Variants in SH3PXD2A observed in about 807,000 individuals in gnomAD.
SH3PXD2A encodes SH3 and PX domain-containing protein 2A.
Under a neutral mutation model 115.2 loss-of-function variants are expected in SH3PXD2A, and 32 were observed. That is an observed-to-expected ratio of 0.28 (90% confidence interval 0.21 to 0.37). SH3PXD2A has a LOEUF of 0.37. Ranked by LOEUF, SH3PXD2A falls within the 10% of genes least tolerant of loss-of-function variation. SH3PXD2A has a pLI of 1.00. For missense variants in SH3PXD2A, 1,328 were observed against 1,498.7 expected (o/e 0.89, Z 1.88); for synonymous variants, 610 against 629.1 (o/e 0.97, Z 0.45).
chr10:103,839,569 C>G lies in SH3PXD2A; in HGVS notation c.72+15626G>C, dbSNP rs368821165. Among the ~76,000 whole-genome samples, 34 of 151,796 alleles carry G rather than the reference C, an allele frequency of 2.2e-4. 1 individual carries two copies. Among genetic ancestry groups the G allele is most frequent in the African/African-American group, 7.5e-4 (31 of 41,276 alleles). Reference sequence around the variant, plus strand: ...GGTGCAGAAAGCTGCAGCCCCTCCCCCAAGGCCACACAGCCCCTCCCCCAA... The same window carrying G: ...GGTGCAGAAAGCTGCAGCCCCTCCCGCAAGGCCACACAGCCCCTCCCCCAA... On this transcript the variant is annotated intron_variant, in intron 1 of 14. Transcript: ENST00000369774.
chr10:103,841,584 T>G (rs2039598525), intron 1 of SH3PXD2A, among the ~76,000 whole-genome samples: 1 of 152,174 alleles, frequency 6.6e-6, no homozygotes, highest in African/African-American at 2.4e-5. Flanking sequence ...CAGAGCATGC[T>G]GTGCAGGGTG....
chr10:103,725,956 C>T (rs974097669), intron 4 of SH3PXD2A, among the ~76,000 whole-genome samples: 4 of 152,206 alleles, frequency 2.6e-5, no homozygotes, highest in African/African-American at 4.8e-5. Flanking sequence ...TGGCCCAGTC[C>T]GACATGGAGG....
intron 3 of SH3PXD2A, among the ~76,000 whole-genome samples, chr10:103,757,355 C>G (rs544619085): frequency 7.2e-5 from 11 of 152,134 alleles, no homozygotes; most frequent in Non-Finnish European, 1.6e-4. Context: ...GACCCAGGCC[C>G]GGGTGCATTT....
chr10:103,844,077 C>G (rs1439885410), intron 1 of SH3PXD2A, among the ~76,000 whole-genome samples: 2 of 152,178 alleles, frequency 1.3e-5, no homozygotes, highest in African/African-American at 4.8e-5. Flanking sequence ...GTAATTAATC[C>G]CAGCTTGAGA....
At chr10:103,782,939 G>C (rs1265679561) in intron 2 of SH3PXD2A, among the ~76,000 whole-genome samples, 17 of 151,934 alleles carry the variant, frequency 1.1e-4, no homozygotes, top group Admixed American at 1.0e-3. Context: ...GCCTTGGGGG[G>C]GGGGGCTCTC....
chr10:103,740,768 C>T (rs566223818), intron 3 of SH3PXD2A, among the ~76,000 whole-genome samples: 8 of 152,310 alleles, frequency 5.3e-5, no homozygotes, highest in South Asian at 4.1e-4. Flanking sequence ...CCACTTGGAA[C>T]GCCATTCATT....
At chr10:103,653,209 C>G (rs1011695206) in intron 8 of SH3PXD2A, among the ~76,000 whole-genome samples, 1 of 152,254 alleles carries the variant, frequency 6.6e-6, no homozygotes, top group East Asian at 1.9e-4. Context: ...TCTGTCACTT[C>G]TGGATCCCAG....
In SH3PXD2A at chr10:103,617,188, G is replaced by C; in HGVS notation, c.920+9C>G. The stretch of plus-strand genomic sequence containing the variant: ...GAGGCATCTCGTTCATAATGTAAGG[G>C]TTCCCTACCTGATATACCACCAGCC... On this transcript the variant is annotated intron_variant, in intron 11 of 14. Coordinates refer to ENST00000369774, the MANE Select transcript of SH3PXD2A (RefSeq NM_001394015.1). The C allele has an allele frequency of 6.3e-7, 1 of 1,596,832 alleles. No individual in the cohort carries two copies.
At chr10:103,638,408 C>T (rs949236486) in intron 8 of SH3PXD2A, among the ~76,000 whole-genome samples, 1 of 152,240 alleles carries the variant, frequency 6.6e-6, no homozygotes, top group Non-Finnish European at 1.5e-5. Flanking sequence ...GCTGGGTCCC[C>T]GCCAAGCCCA....
chr10:103,724,208 G>C, intron 5 of SH3PXD2A, 62 bp downstream of exon 5: 1 of 842,292 alleles, frequency 1.2e-6, no homozygotes. Context: ...GCCTCCCCAG[G>C]CTGGCCATTG....
Position 103,599,749 on chromosome 10 carries a change from A to G in SH3PXD2A, c.*2067T>C, listed in dbSNP as rs897117645. The G allele has an allele frequency of 6.6e-6, 1 of 152,628 alleles. No individual in the cohort carries two copies. Among genetic ancestry groups the G allele is most frequent in the African/African-American group, 2.4e-5 (1 of 41,440 alleles). 9.5% of individuals were successfully genotyped at this position (152,628 alleles called of 1,614,324 possible). A position where few individuals can be genotyped will look rare whatever the true frequency, so the allele number is the denominator to read the frequency against. On this transcript the variant is annotated 3_prime_UTR_variant, in exon 15 of 15. Transcript: ENST00000369774. ...AATAATATTAACATGAAGACACTAA[A>G]CCACTACCATTAGTACTGCAATCTA...
chr10:103,780,725 C>A (rs2134240492), intron 2 of SH3PXD2A, among the ~76,000 whole-genome samples: 1 of 152,308 alleles, frequency 6.6e-6, no homozygotes, highest in East Asian at 1.9e-4. Flanking sequence ...CCACCCCTTC[C>A]TCCTCTGTTA....
chr10:103,742,472 A>G (rs1274455915), intron 3 of SH3PXD2A, among the ~76,000 whole-genome samples: 1 of 152,214 alleles, frequency 6.6e-6, no homozygotes, highest in African/African-American at 2.4e-5. Flanking sequence ...TTACATCTGC[A>G]AAGACCCTTT....
chr10:103,822,547 T>TCG (rs373845151), intron 1 of SH3PXD2A, among the ~76,000 whole-genome samples: 1 of 152,074 alleles, frequency 6.6e-6, no homozygotes, highest in African/African-American at 2.4e-5. Flanking sequence ...GAGGGCATGG[T>TCG]GGGGGGGGAG....
chr10:103,732,594 C>A (rs1564875612), intron 4 of SH3PXD2A, among the ~76,000 whole-genome samples: 1 of 152,238 alleles, frequency 6.6e-6, no homozygotes, highest in Non-Finnish European at 1.5e-5. Flanking sequence ...CTGGGGAGGT[C>A]CACTGCACGG....
At chr10:103,849,066 C>T (rs7091346) in intron 1 of SH3PXD2A, among the ~76,000 whole-genome samples, 49,222 of 149,708 alleles carry the variant, frequency 0.33, 8,767 homozygotes, top group East Asian at 0.65. Context: ...TCCCAATGCT[C>T]AGCCAAGGGA....
intron 5 of SH3PXD2A, among the ~76,000 whole-genome samples, chr10:103,716,591 G>T (rs893182804): frequency 6.6e-6 from 1 of 152,228 alleles, no homozygotes; most frequent in Non-Finnish European, 1.5e-5. Context: ...GAAGTGGGAG[G>T]TGACTGTCTA....
At chr10:103,631,405 A>G (rs1278182181) in intron 8 of SH3PXD2A, among the ~76,000 whole-genome samples, 3 of 152,244 alleles carry the variant, frequency 2.0e-5, no homozygotes, top group African/African-American at 7.2e-5. Context: ...TTCTCTCTCA[A>G]AATACTGTAA....
intron 2 of SH3PXD2A, among the ~76,000 whole-genome samples, chr10:103,779,225 C>T (rs570463213): frequency 2.6e-5 from 4 of 152,190 alleles, no homozygotes; most frequent in African/African-American, 7.2e-5. Context: ...CCTGCCACCA[C>T]GCCCAGCTAA....
Sources: allele counts gnomAD v4.1 joint callset (sites outside exome capture counted in the v4.1 genomes callset), GRCh38; gene constraint gnomAD v4.1.1; transcripts MANE v1.5; gene names NCBI Gene and HGNC (gene_info 2026-07-23, HGNC 2026-07-21).